TSC22D1: variants seen among roughly 807,000 people sequenced by gnomAD.
TSC22D1 encodes the protein TSC22 domain family member 1, also known as TSC22 domain family protein 1.
TSC22D1 carries 9 observed loss-of-function variants against 74.2 expected under a neutral mutation model. That is an observed-to-expected ratio of 0.12 (90% CI 0.07 to 0.21). The LOEUF is 0.21. Among genes scored for constraint, TSC22D1 ranks in the 10% least tolerant of loss-of-function variants. The probability of loss-of-function intolerance (pLI) is 1.00; values close to 1 mark genes in which losing one functional copy is unlikely to be tolerated. For missense variants in TSC22D1, 1,427 were observed against 1,304.7 expected, an observed-to-expected ratio of 1.09 and a Z score of -1.44; for synonymous variants, 586 against 492.5, an observed-to-expected ratio of 1.19 and a Z score of -2.51.
chr13:44,574,945 G>A lies in TSC22D1; in HGVS notation c.1130C>T (p.Ala377Val), dbSNP rs770006261. The stretch of plus-strand genomic sequence containing the variant: ...AGCTGCATTAGGAACACTGCTAACA[G>A]CAGCAGAGGAAGAAATAGTACCATT... ...MGNGTISSSA[A>V]VSSVPNAAAG... Residue 377 changes from alanine to valine, a missense_variant, in exon 1 of 3, where the codon GCT (alanine) becomes GTT (valine). This residue lies in a region of TSC22D1 where 1,343 missense variants were observed against 1,191.5 expected (regional missense o/e 1.13). Coordinates refer to ENST00000458659, the MANE Select transcript of TSC22D1 (RefSeq NM_183422.4). The A allele has an allele frequency of 1.9e-6, 3 of 1,614,066 alleles. No individual in the cohort carries two copies. Among genetic ancestry groups the A allele is most frequent in the Non-Finnish European group, 2.5e-6 (3 of 1,180,032 alleles).
intron 1 of TSC22D1, among the ~76,000 whole-genome samples, chr13:44,566,219 A>G (rs763108743): frequency 2.6e-5 from 4 of 152,208 alleles, no homozygotes; most frequent in Non-Finnish European, 5.9e-5. Context: ...TATTAGCTTT[A>G]TAAGAAGTAA....
In TSC22D1 at chr13:44,575,991, G is replaced by T. The variant is rs771482488; in HGVS notation, c.84C>A (p.Phe28Leu). The T allele has an allele frequency of 8.1e-6, 13 of 1,596,754 alleles. No individual in the cohort carries two copies. In the African/African-American group the frequency reaches 1.1e-4, roughly 13 times the overall value. ...SARKMAHPAM[F>L]PRRGSGSGSA... The stretch of plus-strand genomic sequence containing the variant: ...TGCCACTACCGCTGCCCCTTCGAGG[G>T]AACATTGCCGGGTGCGCCATCTTCC... Residue 28 changes from phenylalanine to leucine, a missense_variant, in exon 1 of 3, where the codon TTC becomes TTA. Physicochemically the swap from Phe to Leu is conservative, Grantham distance 22. Coordinates refer to ENST00000458659, the MANE Select transcript of TSC22D1 (RefSeq NM_183422.4).
At chr13:44,469,484 GTTCT>G (rs549172982) in intron 1 of TSC22D1, among the ~76,000 whole-genome samples, 125 of 152,136 alleles carry the variant, frequency 8.2e-4, no homozygotes, top group Non-Finnish European at 1.6e-3. Flanking sequence ...GTAGGAGGAT[GTTCT>G]TAACACAAAT....
intron 1 of TSC22D1, among the ~76,000 whole-genome samples, chr13:44,523,891 G>A (rs1464955122): frequency 6.6e-6 from 1 of 152,128 alleles, no homozygotes; most frequent in African/African-American, 2.4e-5. Context: ...TGAGCTAATA[G>A]AGAAAAACAT....
At chr13:44,435,823 C>A in intron 2 of TSC22D1, 1 of 585,636 alleles carries the variant, frequency 1.7e-6, no homozygotes, top group Non-Finnish European at 3.0e-6. Context: ...TGAAACCAGT[C>A]CGGGGAAGAA....
intron 1 of TSC22D1, among the ~76,000 whole-genome samples, chr13:44,442,720 A>T (rs1028382146): frequency 6.6e-6 from 1 of 151,916 alleles, no homozygotes; most frequent in Admixed American, 6.6e-5. Context: ...AGTTTGAGAC[A>T]AGCCTGGCCA....
chr13:44,467,441 A>G (rs911457543), intron 1 of TSC22D1, among the ~76,000 whole-genome samples: 1 of 152,206 alleles, frequency 6.6e-6, no homozygotes, highest in African/African-American at 2.4e-5. Flanking sequence ...CAAAAGAAAT[A>G]ACAGAGTAAA....
At chr13:44,463,687 G>T (rs2137885464) in intron 1 of TSC22D1, among the ~76,000 whole-genome samples, 1 of 152,234 alleles carries the variant, frequency 6.6e-6, no homozygotes. Context: ...ATGGCCATTT[G>T]CTCTAAAGAT....
chr13:44,478,195 C>A (rs1462724437), intron 1 of TSC22D1, among the ~76,000 whole-genome samples: 1 of 152,046 alleles, frequency 6.6e-6, no homozygotes, highest in Non-Finnish European at 1.5e-5. Context: ...CCAGAAAATT[C>A]TGCAAGCCTT....
Position 44,432,439 on chromosome 13 carries a change from T to C in TSC22D1, c.*2187A>G, listed in dbSNP as rs1874121997. 1 of 152,234 alleles carries C rather than the reference T, an allele frequency of 6.6e-6. No individual in the cohort carries two copies. The highest frequency in any genetic ancestry group is 2.1e-4 in the South Asian group (1 of 4,830). The allele number at this position is 152,234 out of a possible 1,614,324, so 9.4% of individuals were successfully genotyped here. On this transcript the variant is annotated 3_prime_UTR_variant, in exon 3 of 3. Coordinates refer to ENST00000458659, the MANE Select transcript of TSC22D1 (RefSeq NM_183422.4). ...CTACGTAAGTATTCCTTTATTAAAT[T>C]TGAAGTTATATAACCAACAAGCCAA...
At chr13:44,546,218 T>C (rs1881816139) in intron 1 of TSC22D1, among the ~76,000 whole-genome samples, 2 of 152,164 alleles carry the variant, frequency 1.3e-5, no homozygotes, top group Non-Finnish European at 2.9e-5. Context: ...CTAAAATTAA[T>C]GGAAGTATGA....
At chr13:44,480,729 C>T (rs1878137131) in intron 1 of TSC22D1, among the ~76,000 whole-genome samples, 2 of 152,184 alleles carry the variant, frequency 1.3e-5, no homozygotes, top group Admixed American at 6.5e-5. Flanking sequence ...AGAATTTCTA[C>T]AAAGGAGTCC....
At chr13:44,443,954 A>G (rs1468514052) in intron 1 of TSC22D1, among the ~76,000 whole-genome samples, 1 of 152,186 alleles carries the variant, frequency 6.6e-6, no homozygotes, top group African/African-American at 2.4e-5. Context: ...TAGAATAAAA[A>G]ATGAATACCA....
Position 44,434,435 on chromosome 13 carries a change from C to G in TSC22D1, c.*191G>C, listed in dbSNP as rs1236559803. The stretch of plus-strand genomic sequence containing the variant: ...TCGGATTAACCTTTAATTCACCCAA[C>G]TAAGAAATTTCTCCAAGCCATAAGC... On this transcript the variant is annotated 3_prime_UTR_variant, in exon 3 of 3. Coordinates refer to ENST00000458659, the MANE Select transcript of TSC22D1 (RefSeq NM_183422.4). 13 of 1,355,420 alleles carry G rather than the reference C, an allele frequency of 9.6e-6. No homozygotes were observed. Among genetic ancestry groups the G allele is most frequent in the Non-Finnish European group, 1.2e-5 (13 of 1,061,868 alleles). 84.0% of individuals were successfully genotyped at this position (1,355,420 alleles called of 1,614,324 possible).
rs1884029478 is a variant in TSC22D1, at chr13:44,574,341, C to T, written c.1734G>A (p.Gln578=). 6.2e-7 allele frequency: 1 copy of T among 1,614,264 alleles called. No homozygotes were observed. Among genetic ancestry groups the T allele is most frequent in the Non-Finnish European group, 8.5e-7 (1 of 1,180,042 alleles). ...CACCAACCACATTTACAGGCGATGG[C>T]TGGATACCAGTTGCAGCACTCATAG... The part of the protein sequence containing the change: ...QATMSAATGI[Q]PSPVNVVGVT... The change falls in exon 1 of 3, where the codon CAG becomes CAA. Residue 578 remains glutamine (Q), a synonymous_variant. Transcript: ENST00000458659.
At chr13:44,560,412 A>G (rs1032771595) in intron 1 of TSC22D1, among the ~76,000 whole-genome samples, 1 of 152,236 alleles carries the variant, frequency 6.6e-6, no homozygotes, top group Non-Finnish European at 1.5e-5. Context: ...TCACTAATTT[A>G]ACTAAAAATA....
chr13:44,507,753 A>G lies in TSC22D1; in HGVS notation c.2912+65410T>C, dbSNP rs1168966420. On this transcript the variant is annotated intron_variant, in intron 1 of 2. Coordinates refer to ENST00000458659, the MANE Select transcript of TSC22D1 (RefSeq NM_183422.4). ...TCAAAGAATTTTCACTCTTGCCTCA[A>G]TCCCTTCAGTTTTGCTTCCCCAACT... Among the ~76,000 whole-genome samples the G allele has an allele frequency of 2.0e-5, 3 of 152,184 alleles. No homozygotes were observed. The East Asian group carries it at 5.8e-4, about 29-fold the overall frequency.
At chr13:44,514,355 T>A (rs1051663689) in intron 1 of TSC22D1, among the ~76,000 whole-genome samples, 2 of 151,936 alleles carry the variant, frequency 1.3e-5, no homozygotes, top group African/African-American at 4.8e-5. Context: ...AAGGAAACTT[T>A]GATGAATTTG....
chr13:44,436,656 G>GA (rs753938991), intron 1 of TSC22D1: 3 of 1,594,250 alleles, frequency 1.9e-6, no homozygotes, highest in South Asian at 1.2e-5. Flanking sequence ...CACCCTCGTG[G>GA]AAAAAAAGAG....
Sources: gnomAD v4.1 joint callset for allele counts (sites outside exome capture counted in the v4.1 genomes callset) on GRCh38, gnomAD v4.1.1 for gene constraint, gnomAD v4.1.1 regional missense constraint, MANE v1.5 for transcripts, NCBI Gene and HGNC (gene_info 2026-07-23, HGNC 2026-07-21) for gene names.